EYA1: variants seen among roughly 807,000 people sequenced by gnomAD.
EYA1 encodes EYA transcriptional coactivator and phosphatase 1.
A neutral mutation model predicts 82.0 loss-of-function variants in EYA1; 16 were observed. The ratio of observed to expected loss-of-function variants is 0.20; its 90% CI spans 0.13 to 0.30. The LOEUF (loss-of-function observed/expected upper bound fraction) is 0.30, where lower values mean the gene tolerates loss of function less well. Among genes scored for constraint, EYA1 ranks in the 10% least tolerant of loss-of-function variants. The probability of loss-of-function intolerance (pLI) is 1.00; values close to 1 mark genes in which losing one functional copy is unlikely to be tolerated. For missense variants in EYA1, 633 were observed against 730.7 expected, an observed-to-expected ratio of 0.87 and a Z score of 1.54; for synonymous variants, 261 against 264.4, an observed-to-expected ratio of 0.99 and a Z score of 0.12.
At chr8:71,350,942 C>CT (rs1020842316) in intron 3 of EYA1, among the ~76,000 whole-genome samples, 14 of 152,258 alleles carry the variant, frequency 9.2e-5, no homozygotes, top group Admixed American at 8.5e-4. Context: ...TCGAAAGAAC[C>CT]TTTCCCAACT....
rs1226439561 is a variant in EYA1 at position 71,536,612 on chromosome 8, T to C, written c.-72-764A>G. Among the ~76,000 whole-genome samples, 3 of 152,258 alleles carry C rather than the reference T, an allele frequency of 2.0e-5. 1 individual carries two copies. Among genetic ancestry groups the C allele is most frequent in the Admixed American group, 1.3e-4 (2 of 15,282 alleles). On this transcript the variant is annotated intron_variant, in intron 1 of 18. Coordinates refer to the EYA1 transcript ENST00000643681. ...AGGTACTCAAAAGATACTCTCAGGC[T>C]TTCTTGCTTGAGCTTGGCAACTGAG...
At chr8:71,422,932 T>C (rs1831225242) in intron 2 of EYA1, among the ~76,000 whole-genome samples, 1 of 152,142 alleles carries the variant, frequency 6.6e-6, no homozygotes, top group African/African-American at 2.4e-5. Flanking sequence ...CCTGCCTTTA[T>C]TAGGAACAAT....
At chr8:71,329,604 A>G (rs1823579747) in intron 4 of EYA1, among the ~76,000 whole-genome samples, 1 of 152,166 alleles carries the variant, frequency 6.6e-6, no homozygotes, top group Non-Finnish European at 1.5e-5. Flanking sequence ...CACTACTCTT[A>G]TTTTGAGTCA....
intron 2 of EYA1, among the ~76,000 whole-genome samples, chr8:71,419,829 C>T (rs1193194286): frequency 6.6e-6 from 1 of 151,864 alleles, no homozygotes; most frequent in Non-Finnish European, 1.5e-5. Context: ...ATAGAAAAAT[C>T]CTCAAAGATG....
chr8:71,235,100 A>G lies in EYA1; in HGVS notation c.1140+9503T>C, dbSNP rs940167212. ...GACTTCTCACCACATCCAGACTGCT[A>G]TATCCTCAGCCCTAAGCTAATGTCC... On this transcript the variant is annotated intron_variant, in intron 12 of 17. Coordinates refer to ENST00000340726, the MANE Select transcript of EYA1 (RefSeq NM_000503.6). Among the ~76,000 whole-genome samples the G allele has an allele frequency of 2.0e-5, 3 of 152,182 alleles. No homozygotes were observed. In the East Asian group the frequency reaches 5.8e-4, roughly 29 times the overall value.
At chr8:71,493,364 G>C (rs1002928162) in intron 2 of EYA1, among the ~76,000 whole-genome samples, 2 of 152,158 alleles carry the variant, frequency 1.3e-5, no homozygotes, top group Non-Finnish European at 2.9e-5. Context: ...TCTACGGCTG[G>C]CTGAAACATG....
intron 2 of EYA1, among the ~76,000 whole-genome samples, chr8:71,493,407 C>T (rs1811162621): frequency 6.6e-6 from 1 of 152,184 alleles, no homozygotes; most frequent in South Asian, 2.1e-4. Flanking sequence ...GAATTGTGCC[C>T]ATGTGGTTTA....
chr8:71,329,950 G>A (rs184574709), intron 4 of EYA1, among the ~76,000 whole-genome samples: 2 of 152,270 alleles, frequency 1.3e-5, no homozygotes, highest in East Asian at 3.9e-4. Flanking sequence ...GTCAGGGTGG[G>A]CCTCGATGAG....
intron 1 of EYA1, among the ~76,000 whole-genome samples, chr8:71,358,183 G>A (rs1465341347): frequency 6.6e-6 from 1 of 152,024 alleles, no homozygotes; most frequent in African/African-American, 2.4e-5. Flanking sequence ...TGAAAGTTTG[G>A]TTAGATTTAT....
rs192238855 is a variant in EYA1, at chr8:71,361,933, T to C, written c.-341A>G. On this transcript the variant is annotated 5_prime_UTR_variant, in exon 1 of 18. Transcript: ENST00000340726. The stretch of plus-strand genomic sequence containing the variant: ...CCACAGTGGACGGCAACAGGAAGGC[T>C]TAAAGTCGGAAGTGGCACTGGAGAG... 2 of 985,432 alleles carry C rather than the reference T, an allele frequency of 2.0e-6. No homozygotes were observed. The highest frequency in any genetic ancestry group is 1.7e-5 in the African/African-American group (1 of 57,350). The allele number at this position is 985,432 out of a possible 1,614,324, so 61.0% of individuals were successfully genotyped here. A position where few individuals can be genotyped will look rare whatever the true frequency, so the allele number is the denominator to read the frequency against.
chr8:71,459,603 C>G (rs1808215932), intron 2 of EYA1, among the ~76,000 whole-genome samples: 1 of 150,784 alleles, frequency 6.6e-6, no homozygotes, highest in African/African-American at 2.5e-5. Flanking sequence ...TTATTTGCTA[C>G]TTTTTCAAAT....
intron 2 of EYA1, among the ~76,000 whole-genome samples, chr8:71,422,055 A>AT (rs1195908993): frequency 6.6e-6 from 1 of 152,188 alleles, no homozygotes; most frequent in Non-Finnish European, 1.5e-5. Flanking sequence ...CCTTTCAGGT[A>AT]TTTTTTAATC....
chr8:71,406,791 TG>T (rs1830264640), intron 2 of EYA1, among the ~76,000 whole-genome samples: 1 of 146,136 alleles, frequency 6.8e-6, no homozygotes, highest in South Asian at 2.3e-4. Flanking sequence ...GCAGCGAGGC[TG>T]GGGGAGGGGC....
At position 71,223,794 on chromosome 8, in the gene EYA1, G is replaced by A. The variant is rs73286345; in HGVS notation, c.1141-6771C>T. On this transcript the variant is annotated intron_variant, in intron 12 of 17. Transcript: ENST00000340726. ...CATGTTCTTTTGGACCAATCCCCGG[G>A]AATAACTCAGATTTTGTACAGAGGC... Among the ~76,000 whole-genome samples the A allele has an allele frequency of 2.5e-3, 379 of 152,246 alleles. 2 individuals carry two copies. The highest frequency in any genetic ancestry group is 8.8e-3 in the African/African-American group (365 of 41,540).
rs901780607 is a variant in EYA1, at chr8:71,311,958, T to C, written c.556+5594A>G. On this transcript the variant is annotated intron_variant, in intron 7 of 17. Coordinates refer to ENST00000340726, the MANE Select transcript of EYA1 (RefSeq NM_000503.6). ...GGACAGAAGTGTTGAAAGTTGGAGC[T>C]GAAAGGGTGATTCCAGAAGGATCAC... Among the ~76,000 whole-genome samples, 3 of 152,182 alleles carry C rather than the reference T, an allele frequency of 2.0e-5. No individual in the cohort carries two copies. The East Asian group carries it at 5.8e-4, about 29-fold the overall frequency.
intron 11 of EYA1, among the ~76,000 whole-genome samples, chr8:71,258,569 C>G (rs1410795871): frequency 2.0e-5 from 3 of 152,200 alleles, no homozygotes; most frequent in Non-Finnish European, 4.4e-5. Context: ...AGCAGGGGAC[C>G]TTACCCACTA....
chr8:71,302,665 C>T (rs568618596), intron 7 of EYA1, among the ~76,000 whole-genome samples: 2 of 141,702 alleles, frequency 1.4e-5, no homozygotes, highest in East Asian at 2.1e-4. Context: ...TTTTTCACCA[C>T]CAGAATCAAG....
intron 6 of EYA1, among the ~76,000 whole-genome samples, chr8:71,320,322 T>A (rs1822397763): frequency 6.6e-6 from 1 of 152,206 alleles, no homozygotes; most frequent in Non-Finnish European, 1.5e-5. Context: ...GACAGTACTT[T>A]AGAACTGTGT....
At chr8:71,444,048 T>C (rs1032393732) in intron 2 of EYA1, among the ~76,000 whole-genome samples, 1 of 152,212 alleles carries the variant, frequency 6.6e-6, no homozygotes, top group African/African-American at 2.4e-5. Context: ...ATCTACCGAC[T>C]GAGTGAATGG....
Sources: allele counts gnomAD v4.1 joint callset (sites outside exome capture counted in the v4.1 genomes callset), GRCh38; gene constraint gnomAD v4.1.1; transcripts MANE v1.5; gene names NCBI Gene and HGNC (gene_info 2026-07-23, HGNC 2026-07-21).